PDSS2: variants seen among roughly 807,000 people sequenced by gnomAD.
PDSS2 encodes the protein all trans-polyprenyl-diphosphate synthase PDSS2.
Under a neutral mutation model 44.5 loss-of-function variants are expected in PDSS2, and 31 were observed. The ratio of observed to expected loss-of-function variants is 0.70; its 90% CI spans 0.52 to 0.94. The LOEUF (loss-of-function observed/expected upper bound fraction) is 0.94. Ranked by LOEUF, PDSS2 falls within the 40% of genes least tolerant of loss-of-function variation. The probability of loss-of-function intolerance (pLI) is 0.00; values close to 1 mark genes in which losing one functional copy is unlikely to be tolerated. For synonymous variants in PDSS2, 157 were observed against 180.3 expected (o/e 0.87, Z 1.03); for missense variants, 452 against 482.2 (o/e 0.94, Z 0.59).
chr6:107,221,789 C>T (rs1417208468), intron 4 of PDSS2, among the ~76,000 whole-genome samples: 1 of 152,106 alleles, frequency 6.6e-6, no homozygotes, highest in Non-Finnish European at 1.5e-5. Context: ...GCACTTGTAA[C>T]AGTGGCTGCT....
chr6:107,259,444 C>T (rs1269985642), intron 3 of PDSS2, among the ~76,000 whole-genome samples: 1 of 152,022 alleles, frequency 6.6e-6, no homozygotes, highest in Non-Finnish European at 1.5e-5. Context: ...GGGCGGATCA[C>T]CTGAGGTCAG....
chr6:107,372,654 G>A (rs998138227), intron 1 of PDSS2, among the ~76,000 whole-genome samples: 5 of 151,970 alleles, frequency 3.3e-5, no homozygotes, highest in African/African-American at 9.7e-5. Flanking sequence ...GGGTTTCACC[G>A]TATTAGCCAG....
intron 4 of PDSS2, among the ~76,000 whole-genome samples, chr6:107,243,009 G>A (rs1044277668): frequency 1.3e-5 from 2 of 152,200 alleles, no homozygotes; most frequent in Non-Finnish European, 2.9e-5. Flanking sequence ...CTGAATCTCT[G>A]TATTTAAATA....
At chr6:107,319,649 G>A (rs1418430303) in intron 2 of PDSS2, among the ~76,000 whole-genome samples, 1 of 152,182 alleles carries the variant, frequency 6.6e-6, no homozygotes, top group African/African-American at 2.4e-5. Flanking sequence ...AATTGTTTTT[G>A]AGGAAGATCA....
chr6:107,429,900 AAATATATATATATATATATATATAT>A lies in PDSS2; in HGVS notation c.296+29065_296+29089del, dbSNP rs1416817046. Reference sequence around the variant, plus strand: ...ACTTAGTCTCAAAAAAAAAAAAAAAAAATATATATATATATATATATATATATATATATATATACACCAAACCCAG... The same window carrying A: ...ACTTAGTCTCAAAAAAAAAAAAAAAAATATATATATATACACCAAACCCAG... On this transcript the variant is annotated intron_variant, in intron 1 of 7. Transcript: ENST00000369037. 3.5e-4 allele frequency among the ~76,000 whole-genome samples: 15 copies of A among 42,324 alleles called. 2 individuals carry two copies. In the South Asian group the frequency reaches 0.017, roughly 47 times the overall value. 27.8% of individuals were successfully genotyped at this position (42,324 alleles called of 152,430 possible). A position where few individuals can be genotyped will look rare whatever the true frequency, so the allele number is the denominator to read the frequency against.
At chr6:107,327,709 G>A (rs573844499) in intron 2 of PDSS2, among the ~76,000 whole-genome samples, 24 of 152,246 alleles carry the variant, frequency 1.6e-4, no homozygotes, top group Admixed American at 3.9e-4. Flanking sequence ...CACCTGCCTC[G>A]GCCTCCCAAA....
rs572896499 is a variant in PDSS2 at position 107,315,600 on chromosome 6, A to AAAAG, written c.431+18594_431+18597dup. 8.5e-5 allele frequency among the ~76,000 whole-genome samples: 13 copies of AAAAG among 152,310 alleles called. No homozygotes were observed. The East Asian group carries it at 1.4e-3, about 16-fold the overall frequency. ...GAGTCTGAGAATTCATTAAAAAGAA[A>AAAAG]AAAGAAAGAAAGAAAGAAAGCATAT... On this transcript the variant is annotated intron_variant, in intron 2 of 7. Transcript: ENST00000369037.
At chr6:107,223,184 C>A (rs538816724) in intron 4 of PDSS2, among the ~76,000 whole-genome samples, 1 of 150,976 alleles carries the variant, frequency 6.6e-6, no homozygotes, top group East Asian at 2.0e-4. Context: ...CCGCCTCAGC[C>A]TCCCAAAGTG....
intron 7 of PDSS2, among the ~76,000 whole-genome samples, chr6:107,159,329 GAGGAAGGA>G (rs1255465833): frequency 7.4e-6 from 1 of 134,290 alleles, no homozygotes. Flanking sequence ...GGGAGGGAAG[GAGGAAGGA>G]AGGAAGGAAG....
intron 2 of PDSS2, among the ~76,000 whole-genome samples, chr6:107,274,485 C>A (rs755229522): frequency 9.2e-5 from 14 of 152,118 alleles, no homozygotes; most frequent in Non-Finnish European, 2.1e-4. Context: ...CAGAAGTTGA[C>A]CAGTGGAGGG....
At chr6:107,439,442 T>G (rs1018780485) in intron 1 of PDSS2, among the ~76,000 whole-genome samples, 6 of 152,228 alleles carry the variant, frequency 3.9e-5, no homozygotes, top group Non-Finnish European at 7.3e-5. Context: ...TCAGATCACT[T>G]ACATTCCTTA....
At chr6:107,370,064 C>T (rs1779085356) in intron 1 of PDSS2, among the ~76,000 whole-genome samples, 1 of 151,652 alleles carries the variant, frequency 6.6e-6, no homozygotes, top group African/African-American at 2.4e-5. Context: ...GTTTTCCCAA[C>T]TCTGAAAAAT....
intron 7 of PDSS2, among the ~76,000 whole-genome samples, chr6:107,178,326 C>T (rs1490430800): frequency 6.6e-6 from 1 of 152,130 alleles, no homozygotes. Context: ...TACTCTGTGC[C>T]ATGTAAGTGT....
chr6:107,178,746 C>T (rs979339532), intron 7 of PDSS2, among the ~76,000 whole-genome samples: 1 of 152,122 alleles, frequency 6.6e-6, no homozygotes. Context: ...TGCTGCTGGG[C>T]GAAGTGGCTC....
chr6:107,406,478 CAT>C (rs1780324120), intron 1 of PDSS2, among the ~76,000 whole-genome samples: 1 of 152,200 alleles, frequency 6.6e-6, no homozygotes, highest in Admixed American at 6.5e-5. Context: ...CACTTTCTGA[CAT>C]ACAATCTTAT....
At chr6:107,168,447 C>A (rs1289447087) in intron 7 of PDSS2, among the ~76,000 whole-genome samples, 2 of 151,854 alleles carry the variant, frequency 1.3e-5, no homozygotes, top group African/African-American at 4.8e-5. Context: ...CAGTCTGTGT[C>A]TTTTAATTGG....
intron 1 of PDSS2, among the ~76,000 whole-genome samples, chr6:107,411,594 A>T (rs319062): frequency 0.38 from 57,296 of 152,042 alleles, 13,284 homozygotes; most frequent in Middle Eastern, 0.64. Context: ...CAGAAAAAAA[A>T]TAGATGGTTG....
At chr6:107,205,698 C>G (rs543491020) in intron 6 of PDSS2, among the ~76,000 whole-genome samples, 1 of 151,762 alleles carries the variant, frequency 6.6e-6, no homozygotes, top group African/African-American at 2.4e-5. Context: ...TGGTTGTGTG[C>G]GTGTGTGTCA....
At chr6:107,405,886 G>C (rs1305706989) in intron 1 of PDSS2, among the ~76,000 whole-genome samples, 1 of 149,462 alleles carries the variant, frequency 6.7e-6, no homozygotes, top group African/African-American at 2.4e-5. Context: ...TGGTGGAATA[G>C]ATAAAACAAC....
Sources: allele counts gnomAD v4.1 joint callset (sites outside exome capture counted in the v4.1 genomes callset), GRCh38; gene constraint gnomAD v4.1.1; transcripts MANE v1.5; gene names NCBI Gene and HGNC (gene_info 2026-07-23, HGNC 2026-07-21).